The following DMGDH variants were observed in gnomAD, a reference collection of about 807,000 sequenced individuals.
DMGDH encodes dimethylglycine dehydrogenase, mitochondrial.
In DMGDH, 76 loss-of-function variants were observed where a neutral mutation model predicts 95.2. The observed-to-expected ratio is 0.80, with a 90% CI of 0.66 to 0.97. The LOEUF (loss-of-function observed/expected upper bound fraction) is 0.97, where lower values mean the gene tolerates loss of function less well. Ranked by LOEUF, DMGDH falls within the 50% of genes least tolerant of loss-of-function variation. DMGDH has a pLI of 0.00. For missense variants in DMGDH, 987 were observed against 1,055.0 expected (o/e 0.94, Z 0.89); for synonymous variants, 345 against 377.6 (o/e 0.91, Z 1.00).
chr5:79,020,871 GGA>G (rs1444856703), intron 14 of DMGDH: 1 of 985,234 alleles, frequency 1.0e-6, no homozygotes, highest in African/African-American at 1.7e-5. Flanking sequence ...GAATCTTCGT[GGA>G]GGTTCTCCAG....
chr5:79,039,949 C>T (rs948785969), intron 7 of DMGDH, among the ~76,000 whole-genome samples: 1 of 142,332 alleles, frequency 7.0e-6, no homozygotes, highest in African/African-American at 2.5e-5. Context: ...CCACCCCTAA[C>T]CCCTCACATT....
chr5:79,010,467 T>C (rs548870796), intron 14 of DMGDH, among the ~76,000 whole-genome samples: 1 of 152,292 alleles, frequency 6.6e-6, no homozygotes, highest in East Asian at 1.9e-4. Context: ...AAGTCATCAA[T>C]TTTTTGATTG....
intron 7 of DMGDH, among the ~76,000 whole-genome samples, chr5:79,035,056 CAAAAAAAAAA>C (rs10586049): frequency 2.6e-5 from 2 of 78,350 alleles, no homozygotes; most frequent in African/African-American, 9.7e-5. Flanking sequence ...GACTCCATCT[CAAAAAAAAAA>C]AAAAAAAAAA....
intron 2 of DMGDH, among the ~76,000 whole-genome samples, chr5:79,059,513 A>AT (rs1755136546): frequency 6.6e-6 from 1 of 152,174 alleles, no homozygotes; most frequent in Non-Finnish European, 1.5e-5. Flanking sequence ...AAGGTATTGC[A>AT]TTTTTTGTAT....
Position 79,029,962 on chromosome 5 carries a change from G to C in DMGDH, c.1756C>G (p.Gln586Glu). 1.2e-6 allele frequency: 2 copies of C among 1,614,034 alleles called. No individual in the cohort carries two copies. Among genetic ancestry groups the C allele is most frequent in the South Asian group, 2.2e-5 (2 of 91,070 alleles). Reference sequence around the variant, plus strand: ...ATTAAAAGAAACTCCCCAGGAGATTGGTGAGAAACAGTCAGCTCAGCATAC... The same window carrying C: ...ATTAAAAGAAACTCCCCAGGAGATTCGTGAGAAACAGTCAGCTCAGCATAC... ...RVYAELTVSH[Q>E]SPGEFLLITG... Residue 586 changes from glutamine (Q) to glutamate (E), a missense_variant, in exon 11 of 16, where the codon CAA becomes GAA. Gln to Glu is a conservative substitution (Grantham distance 29, BLOSUM62 2). Transcript: ENST00000255189.
chr5:79,042,431 T>C lies in DMGDH; in HGVS notation c.1045A>G (p.Ile349Val), dbSNP rs1216125038. 1.2e-6 allele frequency: 2 copies of C among 1,614,152 alleles called. No homozygotes were observed. The highest frequency in any genetic ancestry group is 1.7e-6 in the Non-Finnish European group (2 of 1,180,010). The change falls in exon 7 of 16, where the codon ATC becomes GTC. Residue 349 changes from isoleucine to valine, a missense_variant. Ile to Val is a conservative substitution (Grantham distance 29). Coordinates refer to ENST00000255189, the MANE Select transcript of DMGDH (RefSeq NM_013391.3). ...GGAACCATTTCCATGGCAGCTTTGA[T>C]GTGTTCCATGATTCGATCTAGATCA... ...ESDLDRIMEH[I>V]KAAMEMVPVL...
chr5:79,012,776 T>C (rs987124042), intron 14 of DMGDH, among the ~76,000 whole-genome samples: 2 of 152,252 alleles, frequency 1.3e-5, no homozygotes, highest in Non-Finnish European at 2.9e-5. Context: ...AGGGCTCATT[T>C]GAGTCACAGC....
chr5:78,998,532 A>T (rs1753398811), intron 15 of DMGDH, among the ~76,000 whole-genome samples: 1 of 152,232 alleles, frequency 6.6e-6, no homozygotes, highest in Admixed American at 6.5e-5. Flanking sequence ...TATTACTCTG[A>T]AATTTCTCAT....
chr5:79,056,081 A>G (rs1755024919), intron 2 of DMGDH, among the ~76,000 whole-genome samples, 173 bp from the exon 3 acceptor site: 1 of 152,232 alleles, frequency 6.6e-6, no homozygotes, highest in Non-Finnish European at 1.5e-5. Flanking sequence ...CATAAGGCTC[A>G]TGACAGGTTT....
At chr5:79,041,796 A>G (rs1754515365) in intron 7 of DMGDH, among the ~76,000 whole-genome samples, 1 of 152,088 alleles carries the variant, frequency 6.6e-6, no homozygotes, top group African/African-American at 2.4e-5. Flanking sequence ...GGAGTTTGAG[A>G]CCAGCCTGGG....
chr5:79,024,777 A>C (rs1014443692), intron 13 of DMGDH, among the ~76,000 whole-genome samples: 1 of 152,104 alleles, frequency 6.6e-6, no homozygotes, highest in African/African-American at 2.4e-5. Context: ...AGTTCAGGAG[A>C]GGAGAAAGGA....
At chr5:79,051,997 A>G (rs1306434239) in intron 4 of DMGDH, among the ~76,000 whole-genome samples, 1 of 152,238 alleles carries the variant, frequency 6.6e-6, no homozygotes, top group Non-Finnish European at 1.5e-5. Flanking sequence ...CTATTCAACA[A>G]AAATTGGCTG....
Position 79,069,637 on chromosome 5 carries a change from A to T in DMGDH, c.-17T>A. The T allele has an allele frequency of 1.5e-6, 2 of 1,352,198 alleles. No homozygotes were observed. The highest frequency in any genetic ancestry group is 9.5e-7 in the Non-Finnish European group (1 of 1,052,470). 83.8% of individuals were successfully genotyped at this position (1,352,198 alleles called of 1,614,324 possible). A position where few individuals can be genotyped will look rare whatever the true frequency, so the allele number is the denominator to read the frequency against. ...ACGGAGCATGACTAGGCCGAGGCCG[A>T]GGGCGCAGGCGCCTGCTCCGAGGCC... On this transcript the variant is annotated 5_prime_UTR_variant, in exon 1 of 16. Coordinates refer to ENST00000255189, the MANE Select transcript of DMGDH (RefSeq NM_013391.3).
intron 14 of DMGDH, among the ~76,000 whole-genome samples, chr5:79,022,314 G>C (rs1199761166): frequency 2.0e-5 from 3 of 152,190 alleles, no homozygotes; most frequent in Admixed American, 2.0e-4. Flanking sequence ...CACAGGACTT[G>C]AATGGTCAAG....
At chr5:79,045,339 T>C (rs1754640521) in intron 5 of DMGDH, among the ~76,000 whole-genome samples, 1 of 152,110 alleles carries the variant, frequency 6.6e-6, no homozygotes, top group African/African-American at 2.4e-5. Context: ...ATTGTTTTAT[T>C]TGCGGAGGTG....
chr5:79,063,397 A>G (rs1206337894), intron 2 of DMGDH, among the ~76,000 whole-genome samples: 1 of 152,244 alleles, frequency 6.6e-6, no homozygotes, highest in Non-Finnish European at 1.5e-5. Flanking sequence ...TTGCAAAGCC[A>G]GGATTCGAAT....
intron 12 of DMGDH, 117 bp from the exon 13 acceptor site, chr5:79,026,698 T>C: frequency 1.4e-6 from 2 of 1,452,576 alleles, no homozygotes; most frequent in Non-Finnish European, 1.9e-6. Context: ...ACAGACATTG[T>C]CAGTCTCTAA....
intron 7 of DMGDH, among the ~76,000 whole-genome samples, chr5:79,036,214 G>A (rs187229964): frequency 6.6e-6 from 1 of 152,236 alleles, no homozygotes; most frequent in South Asian, 2.1e-4. Flanking sequence ...TTGGGCCCTT[G>A]TATGACCAGT....
intron 5 of DMGDH, among the ~76,000 whole-genome samples, chr5:79,049,991 G>A (rs1389074463): frequency 2.0e-5 from 3 of 151,820 alleles, no homozygotes; most frequent in Non-Finnish European, 4.4e-5. Context: ...ACGCAGTGGC[G>A]CACGCCTGTA....
Sources: gnomAD v4.1 joint callset for allele counts (sites outside exome capture counted in the v4.1 genomes callset) on GRCh38, gnomAD v4.1.1 for gene constraint, MANE v1.5 for transcripts, NCBI Gene and HGNC (gene_info 2026-07-23, HGNC 2026-07-21) for gene names.